NAV2: variants seen among roughly 807,000 people sequenced by gnomAD.
The protein encoded by NAV2 is neuron navigator 2.
In NAV2, 54 loss-of-function variants were observed where a neutral mutation model predicts 223.2. The observed-to-expected ratio is 0.24, with a 90% confidence interval of 0.19 to 0.30. NAV2 has a LOEUF of 0.30. Ranked by LOEUF, NAV2 falls within the 10% of genes least tolerant of loss-of-function variation. NAV2 has a pLI of 1.00. For synonymous variants in NAV2, 1,279 were observed against 1,239.3 expected (o/e 1.03, Z -0.67); for missense variants, 2,806 against 3,147.5 (o/e 0.89, Z 2.60).
chr11:19,728,224 C>A (rs2051411247), intron 1 of NAV2, among the ~76,000 whole-genome samples: 1 of 152,222 alleles, frequency 6.6e-6, no homozygotes, highest in African/African-American at 2.4e-5. Flanking sequence ...CCTGAAAGAG[C>A]ACTGTTCTTA....
At chr11:19,575,070 G>T (rs982254296) in intron 1 of NAV2, among the ~76,000 whole-genome samples, 3 of 152,200 alleles carry the variant, frequency 2.0e-5, no homozygotes, top group African/African-American at 7.2e-5. Flanking sequence ...CAATCAGCCT[G>T]CATCTTCAAG....
intron 11 of NAV2, among the ~76,000 whole-genome samples, chr11:20,018,652 G>A (rs1387835729): frequency 3.3e-5 from 5 of 152,178 alleles, no homozygotes; most frequent in African/African-American, 1.2e-4. Flanking sequence ...GACCACATCA[G>A]CAGTGATTTA....
chr11:19,724,549 CT>C (rs1282340973), intron 1 of NAV2, among the ~76,000 whole-genome samples: 1 of 152,176 alleles, frequency 6.6e-6, no homozygotes, highest in Non-Finnish European at 1.5e-5. Flanking sequence ...TATTAGGAAG[CT>C]TTTGCACTTG....
intron 1 of NAV2, among the ~76,000 whole-genome samples, chr11:19,745,216 G>A (rs934917754): frequency 3.9e-5 from 6 of 152,092 alleles, no homozygotes; most frequent in East Asian, 1.9e-4. Flanking sequence ...TCCCCTTTCC[G>A]CCTGTCATGG....
chr11:19,838,758 C>G (rs547007967), intron 2 of NAV2, among the ~76,000 whole-genome samples: 2 of 152,208 alleles, frequency 1.3e-5, no homozygotes, highest in Middle Eastern at 3.4e-3. Flanking sequence ...CGAGTAGCTG[C>G]GATTGTAGGC....
At chr11:20,015,827 T>C (rs916412564) in intron 11 of NAV2, among the ~76,000 whole-genome samples, 1 of 152,146 alleles carries the variant, frequency 6.6e-6, no homozygotes, top group African/African-American at 2.4e-5. Context: ...CCAAAAGTAT[T>C]AGAAGGAGCT....
Position 19,946,497 on chromosome 11 carries a change from A to C in NAV2, c.2243A>C (p.Gln748Pro). Residue 748 changes from glutamine to proline, a missense_variant, in exon 9 of 38, where the codon CAG becomes CCG. Physicochemically the swap from Gln to Pro is moderately conservative, Grantham distance 76. Coordinates refer to ENST00000349880, the MANE Select transcript of NAV2 (RefSeq NM_145117.5). Reference sequence around the variant, plus strand: ...ACCATGTCCAGTTTAAGGGGAACTCAGGTTACACACAGGTATCTGCAGTGT... The same window carrying C: ...ACCATGTCCAGTTTAAGGGGAACTCCGGTTACACACAGGTATCTGCAGTGT... ...EETMSSLRGT[Q>P]VTHSTLETTF... 2 of 1,612,610 alleles carry C rather than the reference A, an allele frequency of 1.2e-6. No homozygotes were observed. Among genetic ancestry groups the C allele is most frequent in the Non-Finnish European group, 1.7e-6 (2 of 1,179,112 alleles).
At chr11:19,423,714 A>G (rs1376515837) in intron 1 of NAV2, among the ~76,000 whole-genome samples, 2 of 152,228 alleles carry the variant, frequency 1.3e-5, no homozygotes, top group Admixed American at 6.5e-5. Context: ...TTTACTCTAC[A>G]CAGCTACTTC....
chr11:20,096,539 G>T (rs1356888693), intron 30 of NAV2, among the ~76,000 whole-genome samples: 1 of 152,154 alleles, frequency 6.6e-6, no homozygotes, highest in Non-Finnish European at 1.5e-5. Context: ...GAAAGTGAGG[G>T]TCAGGTTGGG....
chr11:19,993,345 G>C (rs2051530692), intron 11 of NAV2, among the ~76,000 whole-genome samples: 1 of 152,200 alleles, frequency 6.6e-6, no homozygotes. Context: ...AGAAGAAAGA[G>C]AGCATGGTGA....
upstream of NAV2, among the ~76,000 whole-genome samples, chr11:19,350,549 A>G (rs1590030246): frequency 6.6e-6 from 1 of 152,212 alleles, no homozygotes; most frequent in Non-Finnish European, 1.5e-5. Flanking sequence ...TTAAATGCCC[A>G]TTTACATTGT....
chr11:20,041,037 G>A (rs988990164), intron 12 of NAV2, among the ~76,000 whole-genome samples: 3 of 152,118 alleles, frequency 2.0e-5, no homozygotes, highest in Non-Finnish European at 2.9e-5. Context: ...GGGCATGTGC[G>A]CTGTCTCTGC....
At chr11:20,001,879 C>G (rs765307543) in intron 11 of NAV2, among the ~76,000 whole-genome samples, 1 of 152,048 alleles carries the variant, frequency 6.6e-6, no homozygotes, top group South Asian at 2.1e-4. Flanking sequence ...GGGCAAGCCT[C>G]CCTGAGATGA....
intron 1 of NAV2, among the ~76,000 whole-genome samples, chr11:19,675,866 G>A (rs559627737): frequency 3.3e-5 from 5 of 152,100 alleles, no homozygotes; most frequent in African/African-American, 9.7e-5. Context: ...AATATCAATC[G>A]CAAGAATGTT....
At chr11:19,684,706 G>A (rs559745650) in intron 1 of NAV2, among the ~76,000 whole-genome samples, 1 of 152,078 alleles carries the variant, frequency 6.6e-6, no homozygotes, top group Non-Finnish European at 1.5e-5. Flanking sequence ...CCAGAGTGAG[G>A]AATATATTTC....
intron 10 of NAV2, among the ~76,000 whole-genome samples, chr11:19,977,964 C>T (rs907836129): frequency 1.4e-5 from 2 of 147,544 alleles, no homozygotes; most frequent in African/African-American, 4.9e-5. Context: ...GCCACCACGC[C>T]CAGCTCATTT....
intron 1 of NAV2, among the ~76,000 whole-genome samples, chr11:19,421,691 G>A (rs150522264): frequency 5.6e-4 from 84 of 150,214 alleles, no homozygotes; most frequent in Non-Finnish European, 1.0e-3. Flanking sequence ...GGAAATGGTG[G>A]GAGAAACAAC....
At chr11:19,349,511 C>T (rs1590027980), upstream of NAV2, among the ~76,000 whole-genome samples, 1 of 152,166 alleles carries the variant, frequency 6.6e-6, no homozygotes, top group Non-Finnish European at 1.5e-5. Context: ...GTCTAGTACC[C>T]GCTGCGGCCG....
chr11:19,418,453 A>G (rs1467994601), intron 1 of NAV2, among the ~76,000 whole-genome samples: 1 of 152,224 alleles, frequency 6.6e-6, no homozygotes, highest in Admixed American at 6.5e-5. Context: ...ATGAGTGTTC[A>G]CTGAAAACAT....
Sources: allele counts gnomAD v4.1 joint callset (sites outside exome capture counted in the v4.1 genomes callset), GRCh38; gene constraint gnomAD v4.1.1; transcripts MANE v1.5; gene names NCBI Gene and HGNC (gene_info 2026-07-23, HGNC 2026-07-21).